ALKBH8: variants seen among roughly 807,000 people sequenced by gnomAD.
ALKBH8 encodes tRNA (carboxymethyluridine(34)-5-O)-methyltransferase ALKBH8.
ALKBH8 carries 36 observed loss-of-function variants against 59.8 expected under a neutral mutation model. That is an observed-to-expected ratio of 0.60 (90% CI 0.46 to 0.79). The LOEUF (loss-of-function observed/expected upper bound fraction) is 0.79. Among genes scored for constraint, ALKBH8 ranks in the 30% least tolerant of loss-of-function variants. The pLI is 0.00. For synonymous variants in ALKBH8, 276 were observed against 273.6 expected, an observed-to-expected ratio of 1.01 and a Z score of -0.09; for missense variants, 768 against 801.0, an observed-to-expected ratio of 0.96 and a Z score of 0.50.
intron 2 of ALKBH8, among the ~76,000 whole-genome samples, chr11:107,557,593 A>G (rs967234885): frequency 6.6e-6 from 1 of 152,226 alleles, no homozygotes; most frequent in Non-Finnish European, 1.5e-5. Context: ...AAGTAAAGGT[A>G]CTATTACCTC....
intron 2 of ALKBH8, among the ~76,000 whole-genome samples, chr11:107,558,985 C>T (rs1472482200): frequency 1.3e-5 from 2 of 152,200 alleles, no homozygotes; most frequent in African/African-American, 2.4e-5. Flanking sequence ...ATAATTCCCA[C>T]ATTTTGTGGG....
intron 7 of ALKBH8, among the ~76,000 whole-genome samples, chr11:107,543,052 T>C (rs1470773468): frequency 2.0e-5 from 3 of 152,122 alleles, no homozygotes; most frequent in Non-Finnish European, 4.4e-5. Context: ...ACAAAGACAA[T>C]GAGCTTTGAT....
chr11:107,553,266 C>T, intron 4 of ALKBH8, 63 bp from the exon 5 acceptor site: 4 of 1,127,882 alleles, frequency 3.5e-6, no homozygotes, highest in Non-Finnish European at 5.0e-6. Context: ...TTGCATATTT[C>T]AGTCAACTTT....
chr11:107,509,653 C>G (rs1862540878), intron 11 of ALKBH8, among the ~76,000 whole-genome samples: 1 of 151,978 alleles, frequency 6.6e-6, no homozygotes, highest in Non-Finnish European at 1.5e-5. Context: ...GTCTTTGATC[C>G]ATTTTGAGGT....
chr11:107,561,213 A>G (rs1280321152), intron 1 of ALKBH8, among the ~76,000 whole-genome samples: 1 of 152,204 alleles, frequency 6.6e-6, no homozygotes, highest in African/African-American at 2.4e-5. Context: ...TGTGCCATAC[A>G]CAAATTTCAC....
chr11:107,506,011 T>A (rs1311120292), intron 11 of ALKBH8, among the ~76,000 whole-genome samples: 1 of 152,098 alleles, frequency 6.6e-6, no homozygotes, highest in Non-Finnish European at 1.5e-5. Flanking sequence ...GTACACAGGG[T>A]GAAATTCCAA....
intron 8 of ALKBH8, among the ~76,000 whole-genome samples, chr11:107,527,616 C>T (rs761099047): frequency 3.9e-5 from 6 of 151,920 alleles, no homozygotes; most frequent in Non-Finnish European, 7.4e-5. Context: ...AGTCTTGATG[C>T]TATTTTAAAT....
At chr11:107,541,207 G>A (rs1387313473) in intron 7 of ALKBH8, among the ~76,000 whole-genome samples, 4 of 152,184 alleles carry the variant, frequency 2.6e-5, no homozygotes, top group South Asian at 2.1e-4. Context: ...TGGTAGTGCT[G>A]ATGGTCAAAG....
At chr11:107,557,223 T>C (rs1864756427) in intron 2 of ALKBH8, among the ~76,000 whole-genome samples, 1 of 152,362 alleles carries the variant, frequency 6.6e-6, no homozygotes, top group Middle Eastern at 3.4e-3. Context: ...AATTGTGTTG[T>C]TTAAATAGCC....
At chr11:107,561,503 G>A (rs1013898587) in intron 1 of ALKBH8, among the ~76,000 whole-genome samples, 1 of 152,154 alleles carries the variant, frequency 6.6e-6, no homozygotes, top group Admixed American at 6.5e-5. Flanking sequence ...TGTTTCTTCA[G>A]TTACATGGTA....
Position 107,556,827 on chromosome 11 carries a change from T to A in ALKBH8, c.306A>T (p.Gly102=), listed in dbSNP as rs1864735116. ...GTCCTAAATCATCCACTACTTCTTTTCCATTGAGGGTAACATAGGCTCTCT... is the reference window on the plus strand; with the variant it reads ...GTCCTAAATCATCCACTACTTCTTTACCATTGAGGGTAACATAGGCTCTCT... The part of the protein sequence containing the change: ...ESKRAYVTLN[G]KEVVDDLGQK... Residue 102 remains glycine, a synonymous_variant, in exon 3 of 12, where the codon GGA becomes GGT. Coordinates refer to ENST00000428149, the MANE Select transcript of ALKBH8 (RefSeq NM_138775.3). 1 of 1,537,718 alleles carries A rather than the reference T, an allele frequency of 6.5e-7. No homozygotes were observed. Among genetic ancestry groups the A allele is most frequent in the African/African-American group, 1.4e-5 (1 of 71,098 alleles).
chr11:107,557,557 A>C (rs1415401703), intron 2 of ALKBH8, among the ~76,000 whole-genome samples: 1 of 152,190 alleles, frequency 6.6e-6, no homozygotes, highest in Non-Finnish European at 1.5e-5. Flanking sequence ...TAATATAACC[A>C]TTATACAATG....
Position 107,549,817 on chromosome 11 carries a change from G to C in ALKBH8, c.707C>G (p.Pro236Arg), listed in dbSNP as rs1864418690. 6.5e-7 allele frequency: 1 copy of C among 1,547,650 alleles called. No homozygotes were observed. Among genetic ancestry groups the C allele is most frequent in the African/African-American group, 1.4e-5 (1 of 72,952 alleles). The change falls in exon 7 of 12, where the codon CCC becomes CGC. Residue 236 changes from proline to arginine, a missense_variant. Physicochemically the swap from Pro to Arg is moderately radical, Grantham distance 103 (BLOSUM62 -2). Transcript: ENST00000428149. ...AGCGGAATGTGTATCAATATGAGCG[G>C]GAATTCCTGAGATGGAAAACAGGAC... ...INQYEPGQGI[P>R]AHIDTHSAFE...
intron 7 of ALKBH8, among the ~76,000 whole-genome samples, chr11:107,546,693 T>A (rs551388898): frequency 1.6e-4 from 24 of 152,320 alleles, no homozygotes; most frequent in Admixed American, 7.8e-4. Flanking sequence ...TGCTGTTAAT[T>A]GCAGCTAAAT....
chr11:107,546,167 C>G (rs501373), intron 7 of ALKBH8, among the ~76,000 whole-genome samples: 76,372 of 151,856 alleles, frequency 0.5, 19,874 homozygotes, highest in Non-Finnish European at 0.56. Context: ...CCAGATAAGT[C>G]CTAATCAAAA....
At chr11:107,514,501 T>C (rs1862775501) in intron 10 of ALKBH8, among the ~76,000 whole-genome samples, 1 of 152,160 alleles carries the variant, frequency 6.6e-6, no homozygotes, top group South Asian at 2.1e-4. Flanking sequence ...CTTTAATATA[T>C]TTTAAGATAA....
intron 6 of ALKBH8, among the ~76,000 whole-genome samples, chr11:107,551,307 A>G (rs1864480737): frequency 6.6e-6 from 1 of 152,228 alleles, no homozygotes; most frequent in Admixed American, 6.5e-5. Flanking sequence ...CAAGTTCCTC[A>G]AGGGATTAAA....
At chr11:107,557,355 C>G (rs1253787613) in intron 2 of ALKBH8, among the ~76,000 whole-genome samples, 1 of 152,140 alleles carries the variant, frequency 6.6e-6, no homozygotes, top group Non-Finnish European at 1.5e-5. Context: ...TTACATAACA[C>G]TTGCTTTTTG....
chr11:107,515,851 T>C (rs1862841603), intron 10 of ALKBH8, among the ~76,000 whole-genome samples: 1 of 152,158 alleles, frequency 6.6e-6, no homozygotes, highest in Admixed American at 6.5e-5. Flanking sequence ...TGATAGAACT[T>C]CCTCTCATAC....
Sources: allele counts gnomAD v4.1 joint callset (sites outside exome capture counted in the v4.1 genomes callset), GRCh38; gene constraint gnomAD v4.1.1; transcripts MANE v1.5; gene names NCBI Gene and HGNC (gene_info 2026-07-23, HGNC 2026-07-21).